NR1H3: variants seen among roughly 807,000 people sequenced by gnomAD.
The protein encoded by NR1H3 is oxysterols receptor LXR-alpha.
In NR1H3, 19 loss-of-function variants were observed where a neutral mutation model predicts 48.1. That is an observed-to-expected ratio of 0.40 (90% confidence interval 0.28 to 0.58). The LOEUF is 0.58. NR1H3 is among the 20% of genes least tolerant of loss of function. The pLI, the probability that NR1H3 is intolerant of heterozygous loss-of-function variation, is 0.50. For missense variants in NR1H3, 486 were observed against 595.9 expected (o/e 0.82, Z 1.92); for synonymous variants, 232 against 227.3 (o/e 1.02, Z -0.19).
At chr11:47,260,037 G>T in intron 3 of NR1H3, 58 bp downstream of exon 3, 1 of 1,400,824 alleles carries the variant, frequency 7.1e-7, no homozygotes. Context: ...CCTGGATCTG[G>T]AAGAGGTTCC....
In NR1H3 at chr11:47,263,802, T is replaced by C. The variant is rs143506177; in HGVS notation, c.988+1784T>C. 9.6e-3 allele frequency among the ~76,000 whole-genome samples: 1,459 copies of C among 151,520 alleles called. 14 individuals are homozygous for C. The highest frequency in any genetic ancestry group is 0.017 in the Non-Finnish European group (1,126 of 67,848). On this transcript the variant is annotated intron_variant, in intron 7 of 9. Coordinates refer to ENST00000441012, the MANE Select transcript of NR1H3 (RefSeq NM_005693.4). ...ATTTTTAGTAGAGATGGGGTTTCACTGTTTTGCCCAGGCTGGTCTTGAACT... is the reference window on the plus strand; with the variant it reads ...ATTTTTAGTAGAGATGGGGTTTCACCGTTTTGCCCAGGCTGGTCTTGAACT...
At chr11:47,260,331 C>T in intron 3 of NR1H3, 78 bp from the exon 4 acceptor site, 1 of 1,529,648 alleles carries the variant, frequency 6.5e-7, no homozygotes, top group Non-Finnish European at 8.8e-7. Context: ...TCACTGAGTG[C>T]CCAGGGCAGT....
chr11:47,262,474 C>T (rs985097145), intron 7 of NR1H3, among the ~76,000 whole-genome samples: 1 of 151,958 alleles, frequency 6.6e-6, no homozygotes, highest in Admixed American at 6.6e-5. Flanking sequence ...GCTGGGATTA[C>T]AGGCGTGAGC....
At position 47,260,465 on chromosome 11, in the gene NR1H3, C is replaced by G; in HGVS notation, c.289C>G (p.Leu97Val). The G allele has an allele frequency of 6.2e-7, 1 of 1,614,252 alleles. No homozygotes were observed. Among genetic ancestry groups the G allele is most frequent in the Non-Finnish European group, 8.5e-7 (1 of 1,180,038 alleles). The part of the protein sequence containing the change: ...GPAPKMLGNE[L>V]CSVCGDKASG... ...AGCCCCCAAAATGCTGGGGAACGAG[C>G]TATGCAGCGTGTGTGGGGACAAGGC... is the stretch of plus-strand genomic sequence containing the variant. Residue 97 changes from leucine to valine, a missense_variant, in exon 4 of 10, where the codon CTA (leucine) becomes GTA (valine). Transcript: ENST00000441012.
intron 7 of NR1H3, among the ~76,000 whole-genome samples, chr11:47,265,744 C>T (rs908885759): frequency 6.6e-6 from 1 of 151,938 alleles, no homozygotes; most frequent in Non-Finnish European, 1.5e-5. Flanking sequence ...TGGTGACATG[C>T]ACCAGTAGTC....
At chr11:47,255,635 T>C (rs1430583722), upstream of NR1H3, among the ~76,000 whole-genome samples, 2 of 136,294 alleles carry the variant, frequency 1.5e-5, no homozygotes, top group African/African-American at 5.4e-5. Flanking sequence ...CTTTCTTTCT[T>C]TCTTTCTTTC....
upstream of NR1H3, among the ~76,000 whole-genome samples, chr11:47,256,700 A>G (rs953528412): frequency 3.3e-5 from 5 of 150,360 alleles, no homozygotes; most frequent in African/African-American, 9.7e-5. Flanking sequence ...GACTAGGGCT[A>G]ATAAGTACGG....
chr11:47,248,526 C>G (rs1954316866), upstream of NR1H3: 2 of 1,551,464 alleles, frequency 1.3e-6, no homozygotes, highest in African/African-American at 2.7e-5. Flanking sequence ...AGCCAGGGCT[C>G]CAGGTCAATC....
chr11:47,268,516 G>A (rs1178623227), intron 9 of NR1H3, 34 bp from the exon 10 acceptor site: 1 of 1,613,772 alleles, frequency 6.2e-7, no homozygotes, highest in South Asian at 1.1e-5. Flanking sequence ...CTGGGGACAG[G>A]CAAAAGCTGT....
At position 47,261,258 on chromosome 11, in the gene NR1H3, C is replaced by G; in HGVS notation, c.517C>G (p.Gln173Glu). 1 of 1,590,458 alleles carries G rather than the reference C, an allele frequency of 6.3e-7. No homozygotes were observed. Among genetic ancestry groups the G allele is most frequent in the Non-Finnish European group, 8.6e-7 (1 of 1,167,118 alleles). The change falls in exon 5 of 10, where the codon CAG (glutamine) becomes GAG (glutamate). Residue 173 changes from glutamine to glutamate, a missense_variant. Physicochemically the swap from Gln to Glu is conservative, Grantham distance 29 (BLOSUM62 2). Transcript: ENST00000441012. ...GTCCTTAGGTGTCCTGTCAGAAGAA[C>G]AGATCCGCCTGAAGAAACTGAAGCG... Reference protein sequence around the residue: ...MREECVLSEEQIRLKKLKRQE... With the variant: ...MREECVLSEEEIRLKKLKRQE...
chr11:47,254,262 C>G (rs142404291), upstream of NR1H3, among the ~76,000 whole-genome samples: 384 of 152,308 alleles, frequency 2.5e-3, 4 homozygotes, highest in African/African-American at 8.8e-3. Flanking sequence ...ATGAAAGAGG[C>G]TTCTCCCAGC....
chr11:47,257,815 G>A (rs761712477), upstream of NR1H3: 443 of 966,894 alleles, frequency 4.6e-4, 1 homozygote, highest in Non-Finnish European at 5.3e-4. Flanking sequence ...AGTAGGGGGC[G>A]GGAGTGGCGG....
chr11:47,248,632 C>T (rs1954331534), upstream of NR1H3: 2 of 1,579,172 alleles, frequency 1.3e-6, no homozygotes, highest in South Asian at 2.3e-5. Flanking sequence ...GGCCTTTGCC[C>T]TTTTAGCTTC....
rs12575001 is a variant in NR1H3, at chr11:47,262,610, G to A, written c.988+592G>A. Reference sequence around the variant, plus strand: ...GCTCACTACAACCTCCGCCTCCCGGGTTCAAGCAATTCTCCTGCTTCAGCT... The same window carrying A: ...GCTCACTACAACCTCCGCCTCCCGGATTCAAGCAATTCTCCTGCTTCAGCT... On this transcript the variant is annotated intron_variant, in intron 7 of 9. Coordinates refer to ENST00000441012, the MANE Select transcript of NR1H3 (RefSeq NM_005693.4). Among the ~76,000 whole-genome samples, 22 of 152,116 alleles carry A rather than the reference G, an allele frequency of 1.4e-4. No homozygotes were observed. The East Asian group carries it at 3.7e-3, about 25-fold the overall frequency.
In NR1H3 at chr11:47,258,052, A is replaced by C; in HGVS notation, c.-115A>C. The C allele has an allele frequency of 2.0e-6, 2 of 984,660 alleles. No homozygotes were observed. Among genetic ancestry groups the C allele is most frequent in the African/African-American group, 1.8e-5 (1 of 56,982 alleles). The allele number at this position is 984,660 out of a possible 1,614,324, so 61.0% of individuals were successfully genotyped here. On this transcript the variant is annotated 5_prime_UTR_variant, in exon 1 of 10. Coordinates refer to ENST00000441012, the MANE Select transcript of NR1H3 (RefSeq NM_005693.4). Reference sequence around the variant, plus strand: ...CTGGCCACCGAGACTTCTGGACAGGAAACTGCACCATCCTCTTCTCCCAGC... The same window carrying C: ...CTGGCCACCGAGACTTCTGGACAGGCAACTGCACCATCCTCTTCTCCCAGC...
intron 8 of NR1H3, 73 bp downstream of exon 8, chr11:47,268,099 T>TG (rs1199854042): frequency 6.2e-6 from 5 of 805,398 alleles, no homozygotes; most frequent in African/African-American, 3.9e-5. Flanking sequence ...CAGGAATCGG[T>TG]GGGGGGAGGG....
upstream of NR1H3, among the ~76,000 whole-genome samples, chr11:47,254,919 G>A (rs946991387): frequency 1.3e-5 from 2 of 151,964 alleles, no homozygotes; most frequent in African/African-American, 4.8e-5. Context: ...CATCTGTTTC[G>A]GTCTCTTTGG....
At chr11:47,261,093 A>AG in intron 4 of NR1H3, 148 bp from the exon 5 acceptor site, 1 of 643,182 alleles carries the variant, frequency 1.6e-6, no homozygotes, top group South Asian at 2.0e-5. Context: ...AAAAAAAAAA[A>AG]ATCTTCTTGC....
In NR1H3 at chr11:47,268,753, G is replaced by C; in HGVS notation, c.*57G>C. ...GCCGGATGGCTGAGGCCTGGTGGCT[G>C]CCTCCTAGAAGTGGAACAGACTGAG... On this transcript the variant is annotated 3_prime_UTR_variant, in exon 10 of 10. Transcript: ENST00000441012. 1 of 1,587,558 alleles carries C rather than the reference G, an allele frequency of 6.3e-7. No individual in the cohort carries two copies. The highest frequency in any genetic ancestry group is 8.6e-7 in the Non-Finnish European group (1 of 1,165,716).
Sources: gnomAD v4.1 joint callset for allele counts (sites outside exome capture counted in the v4.1 genomes callset) on GRCh38, gnomAD v4.1.1 for gene constraint, MANE v1.5 for transcripts, NCBI Gene and HGNC (gene_info 2026-07-23, HGNC 2026-07-21) for gene names.